IGF2R: variants seen among roughly 807,000 people sequenced by gnomAD.
The protein encoded by IGF2R is cation-independent mannose-6-phosphate receptor.
Under a neutral mutation model 270.6 loss-of-function variants are expected in IGF2R, and 91 were observed. The observed-to-expected ratio is 0.34, with a 90% CI of 0.28 to 0.40. The LOEUF (loss-of-function observed/expected upper bound fraction) is 0.40. Ranked by LOEUF, IGF2R falls within the 10% of genes least tolerant of loss-of-function variation. The pLI, the probability that IGF2R is intolerant of heterozygous loss-of-function variation, is 1.00. For missense variants in IGF2R, 2,805 were observed against 3,188.3 expected (o/e 0.88, Z 2.90); for synonymous variants, 1,316 against 1,258.9 (o/e 1.05, Z -0.96).
chr6:159,989,386 G>A (rs1783942254), intron 1 of IGF2R, among the ~76,000 whole-genome samples: 1 of 152,112 alleles, frequency 6.6e-6, no homozygotes, highest in Non-Finnish European at 1.5e-5. Flanking sequence ...GCTCTGGGAG[G>A]TGGACGGCTC....
At chr6:160,067,316 C>G (rs1038400844) in intron 29 of IGF2R, among the ~76,000 whole-genome samples, 2 of 152,102 alleles carry the variant, frequency 1.3e-5, no homozygotes, top group African/African-American at 4.8e-5. Flanking sequence ...GTCCCCTTCT[C>G]GGTCACGCCT....
In IGF2R at chr6:160,078,155, C is replaced by T. The variant is rs754271749; in HGVS notation, c.5317-46C>T. 17 of 1,600,978 alleles carry T rather than the reference C, an allele frequency of 1.1e-5. No individual in the cohort carries two copies. In the Admixed American group the frequency reaches 2.7e-4, roughly 25 times the overall value. On this transcript the variant is annotated intron_variant, in intron 36 of 47. Coordinates refer to ENST00000356956, the MANE Select transcript of IGF2R (RefSeq NM_000876.4). ...GACGTGGTGTGTCACTGCTATCTAT[C>T]CCTATGCCATGGGGTTTTTAAGACC...
At chr6:159,985,837 C>T (rs149255138) in intron 1 of IGF2R, among the ~76,000 whole-genome samples, 1 of 152,144 alleles carries the variant, frequency 6.6e-6, no homozygotes, top group East Asian at 1.9e-4. Context: ...AACTGTTTTA[C>T]GCTCTGAAAA....
chr6:160,033,653 G>C (rs988646516), intron 9 of IGF2R, among the ~76,000 whole-genome samples: 3 of 152,206 alleles, frequency 2.0e-5, no homozygotes, highest in African/African-American at 7.2e-5. Context: ...TTATAAACTT[G>C]CTGTTTGTAC....
intron 31 of IGF2R, among the ~76,000 whole-genome samples, chr6:160,071,678 G>A (rs943423215): frequency 6.6e-6 from 1 of 152,180 alleles, no homozygotes; most frequent in African/African-American, 2.4e-5. Context: ...CCCTAAGTGT[G>A]TTGCTGCCTG....
rs150184337 is a variant in IGF2R, at chr6:159,983,727, G to A, written c.150-7457G>A. 4.1e-3 allele frequency among the ~76,000 whole-genome samples: 624 copies of A among 152,316 alleles called. 7 individuals carry two copies. The highest frequency in any genetic ancestry group is 0.014 in the African/African-American group (590 of 41,564). On this transcript the variant is annotated intron_variant, in intron 1 of 47. Transcript: ENST00000356956. ...AGTTGTGTCACTGTTGGACTCTGCT[G>A]AGCTGAGTAGTCTCATTAAAGGAGA...
Position 160,084,591 on chromosome 6 carries a change from C to T in IGF2R, c.6069-404C>T, listed in dbSNP as rs992689754. The stretch of plus-strand genomic sequence containing the variant: ...CTGACCACTCTGCGTGGGGAGCGCC[C>T]GCTTGGCCAGGTGCTCCTGCAAGAC... On this transcript the variant is annotated intron_variant, in intron 40 of 47. Transcript: ENST00000356956. The surrounding 1 kb of genome is among the most constrained non-coding windows in gnomAD (Gnocchi z 4.6). Among the ~76,000 whole-genome samples, 4 of 152,156 alleles carry T rather than the reference C, an allele frequency of 2.6e-5. No individual in the cohort carries two copies. Among genetic ancestry groups the T allele is most frequent in the South Asian group, 2.1e-4 (1 of 4,828 alleles).
In IGF2R at chr6:160,110,891, G is replaced by C. The variant is rs960690158; in HGVS notation, c.*5807G>C. 2 of 152,262 alleles carry C rather than the reference G, an allele frequency of 1.3e-5. No homozygotes were observed. Among genetic ancestry groups the C allele is most frequent in the African/African-American group, 2.4e-5 (1 of 41,460 alleles). 9.4% of individuals were successfully genotyped at this position (152,262 alleles called of 1,614,324 possible). On this transcript the variant is annotated 3_prime_UTR_variant, in exon 48 of 48. Coordinates refer to ENST00000356956, the MANE Select transcript of IGF2R (RefSeq NM_000876.4). Reference sequence around the variant, plus strand: ...AAGGTTGGACTCAGAAGCAGAGAGTGGAATGGTGGTTACCAAAGGCCAGAG... The same window carrying C: ...AAGGTTGGACTCAGAAGCAGAGAGTCGAATGGTGGTTACCAAAGGCCAGAG...
chr6:159,982,617 C>T lies in IGF2R; in HGVS notation c.150-8567C>T, dbSNP rs8191702. ...CGTGCCTACTTTTATTATTACTGAT[C>T]CCATCCTGCCTTTATCTTGCTTTAT... On this transcript the variant is annotated intron_variant, in intron 1 of 47. Transcript: ENST00000356956. Among the ~76,000 whole-genome samples, 716 of 152,290 alleles carry T rather than the reference C, an allele frequency of 4.7e-3. 5 individuals are homozygous for T. Among genetic ancestry groups the T allele is most frequent in the African/African-American group, 0.015 (623 of 41,554 alleles).
At chr6:160,098,693 C>G (rs890227333) in intron 45 of IGF2R, among the ~76,000 whole-genome samples, 8 of 152,114 alleles carry the variant, frequency 5.3e-5, no homozygotes, top group African/African-American at 1.9e-4. Flanking sequence ...GTGGTGCACA[C>G]CTGTAATCGC....
At chr6:160,069,336 G>A (rs1185784864) in intron 30 of IGF2R, among the ~76,000 whole-genome samples, 2 of 152,132 alleles carry the variant, frequency 1.3e-5, no homozygotes, top group Non-Finnish European at 2.9e-5. Flanking sequence ...TGCAGAAGGT[G>A]GTTCCATCCT....
chr6:160,103,109 A>AT (rs1400521316), intron 46 of IGF2R, among the ~76,000 whole-genome samples: 3 of 152,130 alleles, frequency 2.0e-5, no homozygotes, highest in Non-Finnish European at 2.9e-5. Context: ...TGTGACGGTC[A>AT]AGCAGATTTT....
chr6:160,104,275 C>A (rs1290297542), intron 47 of IGF2R, among the ~76,000 whole-genome samples: 4 of 152,144 alleles, frequency 2.6e-5, no homozygotes, highest in African/African-American at 9.7e-5. Context: ...CTTTGACATT[C>A]CTCCCCTGCC....
intron 30 of IGF2R, among the ~76,000 whole-genome samples, chr6:160,069,386 C>T (rs531619526): frequency 1.4e-4 from 21 of 152,204 alleles, no homozygotes; most frequent in East Asian, 5.8e-4. Context: ...CCCCTTGCTG[C>T]GTTGTGCTGT....
chr6:159,979,289 C>T (rs1783742772), intron 1 of IGF2R, among the ~76,000 whole-genome samples: 1 of 152,222 alleles, frequency 6.6e-6, no homozygotes, highest in African/African-American at 2.4e-5. Flanking sequence ...ACTCCCTGCG[C>T]CCCACCCTGG....
At chr6:160,036,847 C>T (rs1562352018) in intron 10 of IGF2R, among the ~76,000 whole-genome samples, 1 of 152,162 alleles carries the variant, frequency 6.6e-6, no homozygotes, top group Non-Finnish European at 1.5e-5. Context: ...GCCACACCCT[C>T]TGGGTTTGGT....
At chr6:160,087,364 C>T (rs1442641086) in intron 41 of IGF2R, among the ~76,000 whole-genome samples, 1 of 152,240 alleles carries the variant, frequency 6.6e-6, no homozygotes, top group Admixed American at 6.5e-5. Flanking sequence ...CCACTGTTCA[C>T]ATGAGTTTGT....
chr6:159,985,278 A>G (rs773461936), intron 1 of IGF2R, among the ~76,000 whole-genome samples: 2 of 152,232 alleles, frequency 1.3e-5, no homozygotes, highest in South Asian at 4.1e-4. Flanking sequence ...ATTTCTTTAA[A>G]TGGAAAATAA....
rs868829658 is a variant in IGF2R, at chr6:160,065,834, A to G, written c.4115+933A>G. ...TGTGTGTATATATATATATATATAT[A>G]TATATATATATGTATTTTTTTTGAG... On this transcript the variant is annotated intron_variant, in intron 29 of 47. Coordinates refer to ENST00000356956, the MANE Select transcript of IGF2R (RefSeq NM_000876.4). Among the ~76,000 whole-genome samples the G allele has an allele frequency of 3.7e-3, 369 of 101,050 alleles. 2 individuals carry two copies. Among genetic ancestry groups the G allele is most frequent in the East Asian group, 0.019 (73 of 3,916 alleles). 66.3% of individuals were successfully genotyped at this position (101,050 alleles called of 152,430 possible). A position where few individuals can be genotyped will look rare whatever the true frequency, so the allele number is the denominator to read the frequency against.
Sources: allele counts gnomAD v4.1 joint callset (sites outside exome capture counted in the v4.1 genomes callset), GRCh38; gene constraint gnomAD v4.1.1; non-coding constraint Gnocchi (gnomAD v3.1); transcripts MANE v1.5; gene names NCBI Gene and HGNC (gene_info 2026-07-23, HGNC 2026-07-21).